Variants in AGPS observed in about 807,000 individuals in gnomAD.
The protein encoded by AGPS is alkyldihydroxyacetonephosphate synthase, peroxisomal.
A neutral mutation model predicts 90.7 loss-of-function variants in AGPS; 26 were observed. That is an observed-to-expected ratio of 0.29 (90% CI 0.21 to 0.40). The LOEUF is 0.40. Among genes scored for constraint, AGPS ranks in the 10% least tolerant of loss-of-function variants. AGPS has a pLI of 1.00. For synonymous variants in AGPS, 294 were observed against 285.3 expected, an observed-to-expected ratio of 1.03 and a Z score of -0.31; for missense variants, 540 against 816.1, an observed-to-expected ratio of 0.66 and a Z score of 4.12.
At chr2:177,464,688 C>G (rs926330849) in intron 9 of AGPS, among the ~76,000 whole-genome samples, 1 of 152,218 alleles carries the variant, frequency 6.6e-6, no homozygotes, top group African/African-American at 2.4e-5. Flanking sequence ...AACGGATTTC[C>G]TGAGCATATC....
At position 177,481,852 on chromosome 2, in the gene AGPS, C is replaced by T. The variant is rs955190214; in HGVS notation, c.1106-207C>T. Among the ~76,000 whole-genome samples, 4 of 151,708 alleles carry T rather than the reference C, an allele frequency of 2.6e-5. No individual in the cohort carries two copies. The East Asian group carries it at 5.8e-4, about 22-fold the overall frequency. On this transcript the variant is annotated intron_variant, in intron 10 of 19. Coordinates refer to ENST00000264167, the MANE Select transcript of AGPS (RefSeq NM_003659.4). ...AATATTTGTACATGACTAATTAAAGCGTATTCCTAAAGCTTTTTTGAGAAA... is the reference window on the plus strand; with the variant it reads ...AATATTTGTACATGACTAATTAAAGTGTATTCCTAAAGCTTTTTTGAGAAA...
At chr2:177,397,257 C>T (rs1246082799) in intron 1 of AGPS, among the ~76,000 whole-genome samples, 1 of 152,178 alleles carries the variant, frequency 6.6e-6, no homozygotes, top group Non-Finnish European at 1.5e-5. Context: ...ACTTCTATCC[C>T]GGAACATATG....
chr2:177,525,905 T>G (rs1013598041), intron 19 of AGPS, among the ~76,000 whole-genome samples: 1 of 152,242 alleles, frequency 6.6e-6, no homozygotes. Flanking sequence ...ATTTTACTTA[T>G]TCAGATGTAC....
intron 9 of AGPS, among the ~76,000 whole-genome samples, chr2:177,465,147 A>G (rs1687409026): frequency 6.6e-6 from 1 of 152,142 alleles, no homozygotes; most frequent in Non-Finnish European, 1.5e-5. Context: ...TTAAAAAATT[A>G]GCTGAGCATG....
chr2:177,402,805 C>T (rs1242356651), intron 1 of AGPS, among the ~76,000 whole-genome samples: 1 of 152,184 alleles, frequency 6.6e-6, no homozygotes, highest in African/African-American at 2.4e-5. Context: ...GCCTGTAATC[C>T]CAGCACTTTG....
chr2:177,505,267 T>A (rs958873798), intron 14 of AGPS, among the ~76,000 whole-genome samples: 5 of 150,628 alleles, frequency 3.3e-5, no homozygotes, highest in African/African-American at 1.2e-4. Flanking sequence ...TATTTCAGCT[T>A]ATTTGTTTCT....
At position 177,484,367 on chromosome 2, in the gene AGPS, G is replaced by A. The variant is rs142554906; in HGVS notation, c.1233+2181G>A. On this transcript the variant is annotated intron_variant, in intron 11 of 19. Transcript: ENST00000264167. ...GGTTTTTTGTTTGTTTTTTTAAGAT[G>A]GAATCCTACTCTGTCTCCCAGGCTG... 1.9e-3 allele frequency among the ~76,000 whole-genome samples: 292 copies of A among 151,722 alleles called. 1 individual carries two copies. The highest frequency in any genetic ancestry group is 6.8e-3 in the African/African-American group (281 of 41,362).
intron 8 of AGPS, among the ~76,000 whole-genome samples, chr2:177,447,510 C>CT (rs1004187235): frequency 3.3e-5 from 5 of 151,432 alleles, no homozygotes; most frequent in Admixed American, 2.6e-4. Context: ...CAGCACAGCA[C>CT]TTTTTTTTAT....
rs886297715 is a variant in AGPS, at chr2:177,434,110, G to A, written c.351-217G>A. 3.9e-5 allele frequency among the ~76,000 whole-genome samples: 6 copies of A among 152,078 alleles called. No homozygotes were observed. In the East Asian group the frequency reaches 1.2e-3, roughly 29 times the overall value. The stretch of plus-strand genomic sequence containing the variant: ...GTATTTTTTCCTTTTTTCAAGTGTA[G>A]CACACCCTTCTCCCCTATTTTTGAC... On this transcript the variant is annotated intron_variant, in intron 2 of 19. Transcript: ENST00000264167.
intron 2 of AGPS, among the ~76,000 whole-genome samples, chr2:177,429,670 A>G (rs556346216): frequency 2.6e-5 from 4 of 152,342 alleles, no homozygotes; most frequent in South Asian, 4.1e-4. Context: ...AACAGCAAAG[A>G]TGGCAGCCTG....
At chr2:177,469,555 A>T (rs915470934) in intron 10 of AGPS, among the ~76,000 whole-genome samples, 2 of 152,142 alleles carry the variant, frequency 1.3e-5, no homozygotes, top group Non-Finnish European at 2.9e-5. Context: ...TCCTTTTCTG[A>T]TCAGCATACT....
At chr2:177,442,300 C>T in intron 6 of AGPS, 107 bp from the exon 7 acceptor site, 1 of 883,254 alleles carries the variant, frequency 1.1e-6, no homozygotes, top group Non-Finnish European at 1.9e-6. Flanking sequence ...ATAGGTATCA[C>T]TTTTCTAGTG....
At chr2:177,533,054 T>C (rs2079152004) in intron 19 of AGPS, among the ~76,000 whole-genome samples, 1 of 152,196 alleles carries the variant, frequency 6.6e-6, no homozygotes, top group African/African-American at 2.4e-5. Flanking sequence ...AGTGTCAATG[T>C]CTTATTCCTT....
rs1441744811 is a variant in AGPS, at chr2:177,392,906, G to A, written c.117G>A (p.Arg39=). ...PDPDRAGRRL[R]VLSGHLLGRP... ...CGGACCGCGCCGGGCGGAGGCTGCGGGTTCTCTCTGGCCATCTGCTGGGCC... is the reference window on the plus strand; with the variant it reads ...CGGACCGCGCCGGGCGGAGGCTGCGAGTTCTCTCTGGCCATCTGCTGGGCC... The change falls in exon 1 of 20, where the codon CGG becomes CGA. Residue 39 remains arginine (R), a synonymous_variant. Transcript: ENST00000264167. 7.1e-6 allele frequency: 11 copies of A among 1,550,406 alleles called. No homozygotes were observed. The highest frequency in any genetic ancestry group is 9.6e-6 in the Non-Finnish European group (11 of 1,147,156).
chr2:177,505,764 C>A (rs996961752), intron 15 of AGPS, among the ~76,000 whole-genome samples, 189 bp downstream of exon 15: 1 of 151,872 alleles, frequency 6.6e-6, no homozygotes, highest in Non-Finnish European at 1.5e-5. Context: ...TCTCCATATG[C>A]TCTTGAAGAA....
At chr2:177,435,023 A>ATATATATATATATATATATATATG (rs912295185) in intron 3 of AGPS, among the ~76,000 whole-genome samples, 1 of 147,012 alleles carries the variant, frequency 6.8e-6, no homozygotes, top group South Asian at 2.1e-4. Context: ...ATATATATAT[A>ATATATATATATATATATATATATG]TGTATGAAAC....
intron 8 of AGPS, among the ~76,000 whole-genome samples, chr2:177,457,153 A>G (rs1293199339): frequency 6.6e-6 from 1 of 152,254 alleles, no homozygotes; most frequent in Non-Finnish European, 1.5e-5. Flanking sequence ...GTGAGAACGA[A>G]GACACAATGT....
At chr2:177,490,426 T>C (rs1559069704) in intron 11 of AGPS, among the ~76,000 whole-genome samples, 1 of 152,174 alleles carries the variant, frequency 6.6e-6, no homozygotes, top group East Asian at 1.9e-4. Context: ...TTTAAAACCG[T>C]TGGTTTGAAT....
intron 17 of AGPS, among the ~76,000 whole-genome samples, chr2:177,520,879 C>G (rs564579203): frequency 6.6e-6 from 1 of 152,206 alleles, no homozygotes; most frequent in Non-Finnish European, 1.5e-5. Flanking sequence ...CTCATTACTT[C>G]TAGATAACAA....
Sources: gnomAD v4.1 joint callset for allele counts (sites outside exome capture counted in the v4.1 genomes callset) on GRCh38, gnomAD v4.1.1 for gene constraint, MANE v1.5 for transcripts, NCBI Gene and HGNC (gene_info 2026-07-23, HGNC 2026-07-21) for gene names.